RRP12: variants seen among roughly 807,000 people sequenced by gnomAD.
The protein encoded by RRP12 is ribosomal RNA processing 12 homolog.
In RRP12, 78 loss-of-function variants were observed where a neutral mutation model predicts 157.3. The ratio of observed to expected loss-of-function variants is 0.50; its 90% confidence interval spans 0.41 to 0.60. The LOEUF is 0.60. Ranked by LOEUF, RRP12 falls within the 20% of genes least tolerant of loss-of-function variation. RRP12 has a pLI of 0.00. For missense variants in RRP12, 1,521 were observed against 1,679.9 expected, an observed-to-expected ratio of 0.91 and a Z score of 1.65; for synonymous variants, 726 against 670.9, an observed-to-expected ratio of 1.08 and a Z score of -1.27.
rs749301802 is a variant in RRP12 at position 97,381,709 on chromosome 10, C to T, written c.1320+6G>A. On this transcript the variant is annotated splice_donor_region_variant and intron_variant, in intron 11 of 33. Coordinates refer to ENST00000370992, the MANE Select transcript of RRP12 (RefSeq NM_015179.4). The stretch of plus-strand genomic sequence containing the variant: ...CTCTCTGCTTCCTCAGCTAAAGTTG[C>T]AGTACCTTGAGGCTCTGCGTAGCAG... 1.2e-6 allele frequency: 2 copies of T among 1,608,648 alleles called. No homozygotes were observed. The highest frequency in any genetic ancestry group is 1.7e-6 in the Non-Finnish European group (2 of 1,175,096).
Position 97,379,036 on chromosome 10 carries a change from G to A in RRP12, c.1798+257C>T, listed in dbSNP as rs542272279. Reference sequence around the variant, plus strand: ...CAAAGGGGAAGAACAAGGCCCAGTTGGGGCAGCTCCATGTGGAGGCAGCTC... The same window carrying A: ...CAAAGGGGAAGAACAAGGCCCAGTTAGGGCAGCTCCATGTGGAGGCAGCTC... On this transcript the variant is annotated intron_variant, in intron 15 of 33. Coordinates refer to ENST00000370992, the MANE Select transcript of RRP12 (RefSeq NM_015179.4). Among the ~76,000 whole-genome samples, 4 of 152,360 alleles carry A rather than the reference G, an allele frequency of 2.6e-5. No homozygotes were observed. In the South Asian group the frequency reaches 6.2e-4, roughly 24 times the overall value.
At chr10:97,369,276 C>A in intron 25 of RRP12, 149 bp downstream of exon 25, 1 of 776,990 alleles carries the variant, frequency 1.3e-6, no homozygotes, top group African/African-American at 1.7e-5. Context: ...ACCTGACAGG[C>A]ATTCCCCTAT....
At chr10:97,392,685 TTTTC>T (rs902830361) in intron 4 of RRP12, among the ~76,000 whole-genome samples, 10 of 144,418 alleles carry the variant, frequency 6.9e-5, no homozygotes, top group Admixed American at 1.4e-4. Context: ...ACAAATTTCA[TTTTC>T]TTTCTATTTT....
At chr10:97,385,307 C>T (rs769346196) in intron 9 of RRP12, 50 bp from the exon 10 acceptor site, 7 of 1,403,416 alleles carry the variant, frequency 5.0e-6, no homozygotes, top group Non-Finnish European at 7.1e-6. Flanking sequence ...CTGCAATAGC[C>T]CAGTGATGAT....
At chr10:97,385,520 G>A (rs1411054152) in intron 9 of RRP12, among the ~76,000 whole-genome samples, 3 of 144,186 alleles carry the variant, frequency 2.1e-5, no homozygotes, top group Non-Finnish European at 4.6e-5. Context: ...AAAAGCCAGA[G>A]GCCTTCTTTG....
rs981639741 is a variant in RRP12, at chr10:97,394,967, ACT to A, written c.454-1209_454-1208del. 1.6e-4 allele frequency among the ~76,000 whole-genome samples: 24 copies of A among 151,236 alleles called. 1 individual carries two copies. The highest frequency in any genetic ancestry group is 1.3e-3 in the Admixed American group (19 of 15,162). ...AGACAAGCTTGGGCGACATGACGAA[ACT>A]CTGTCTCTACTAAAAATACAAAAAT... On this transcript the variant is annotated intron_variant, in intron 3 of 33. Transcript: ENST00000370992.
chr10:97,362,160 G>C (rs1164528529), intron 30 of RRP12, among the ~76,000 whole-genome samples: 1 of 151,918 alleles, frequency 6.6e-6, no homozygotes, highest in South Asian at 2.1e-4. Flanking sequence ...AAACCCTCTG[G>C]GGGTCTCAGT....
intron 6 of RRP12, 105 bp from the exon 7 acceptor site, chr10:97,388,729 C>A (rs1271038942): frequency 1.9e-5 from 26 of 1,376,228 alleles, no homozygotes; most frequent in South Asian, 8.0e-5. Flanking sequence ...AAATATAGAT[C>A]CAATGATGAT....
chr10:97,389,837 C>T (rs772749294), intron 6 of RRP12, among the ~76,000 whole-genome samples: 3 of 152,014 alleles, frequency 2.0e-5, no homozygotes, highest in Non-Finnish European at 2.9e-5. Context: ...CTCAGCCTCC[C>T]GAGTAGCTGG....
At chr10:97,394,466 T>C (rs553239087) in intron 3 of RRP12, among the ~76,000 whole-genome samples, 1 of 152,340 alleles carries the variant, frequency 6.6e-6, no homozygotes, top group East Asian at 1.9e-4. Context: ...CATAGCTCAC[T>C]GTAACCTTGA....
chr10:97,371,069 C>G lies in RRP12; in HGVS notation c.2356G>C (p.Gly786Arg), dbSNP rs370777248. 5.6e-6 allele frequency: 9 copies of G among 1,613,328 alleles called. No individual in the cohort carries two copies. Among genetic ancestry groups the G allele is most frequent in the Non-Finnish European group, 5.1e-6 (6 of 1,179,880 alleles). The change falls in exon 21 of 34, where the codon GGG (glycine) becomes CGG (arginine). Residue 786 changes from glycine to arginine, a missense_variant. Physicochemically the swap from Gly to Arg is moderately radical, Grantham distance 125 (BLOSUM62 -2). Coordinates refer to ENST00000370992, the MANE Select transcript of RRP12 (RefSeq NM_015179.4). The part of the protein sequence containing the change: ...IRPYLESKAH[G>R]VQKKAYRVLE... ...ACTCGGTAGGCCTTCTTCTGCACCC[C>G]GTGGGCCTTGCTCTGGCAGACAGGA...
chr10:97,393,685 G>T lies in RRP12; in HGVS notation c.529C>A (p.Arg177Ser). 6.2e-7 allele frequency: 1 copy of T among 1,613,534 alleles called. No individual in the cohort carries two copies. Among genetic ancestry groups the T allele is most frequent in the South Asian group, 1.1e-5 (1 of 91,050 alleles). ...GTTCAAACAGGAGGCAGAACTCACC[G>T]CTTCAGGACAAGGTTCAGCAGGTAA... ...VAYLLNLVLKRVPSPVLIKKF... is the reference protein window; with the variant it reads ...VAYLLNLVLKSVPSPVLIKKF... Residue 177 changes from arginine to serine, a missense_variant and splice_region_variant, in exon 4 of 34, where the codon CGT (arginine) becomes AGT (serine). Coordinates refer to ENST00000370992, the MANE Select transcript of RRP12 (RefSeq NM_015179.4).
chr10:97,367,611 C>T (rs1003283456), intron 25 of RRP12, among the ~76,000 whole-genome samples: 2 of 152,226 alleles, frequency 1.3e-5, no homozygotes, highest in Non-Finnish European at 2.9e-5. Context: ...TTCCATCTCA[C>T]TGCATTCTGC....
intron 25 of RRP12, 131 bp downstream of exon 25, chr10:97,369,294 T>G: frequency 1.1e-6 from 1 of 942,530 alleles, no homozygotes. Context: ...TATGGTCCCT[T>G]TTAGGGCTCC....
chr10:97,381,887 G>A, intron 10 of RRP12, 61 bp from the exon 11 acceptor site: 1 of 1,242,912 alleles, frequency 8.0e-7, no homozygotes, highest in Non-Finnish European at 1.2e-6. Context: ...GGGCAACCAG[G>A]GCTCAGGGCT....
intron 3 of RRP12, among the ~76,000 whole-genome samples, chr10:97,395,213 C>CACAG (rs1170681449): frequency 1.1e-4 from 16 of 152,040 alleles, no homozygotes; most frequent in Middle Eastern, 3.4e-3. Flanking sequence ...CATATACACA[C>CACAG]ACACACACAC....
intron 6 of RRP12, among the ~76,000 whole-genome samples, chr10:97,389,279 G>A (rs2133085876): frequency 6.6e-6 from 1 of 152,230 alleles, no homozygotes; most frequent in South Asian, 2.1e-4. Flanking sequence ...ATTTTTAGTA[G>A]AGACGGGGTT....
intron 2 of RRP12, among the ~76,000 whole-genome samples, chr10:97,399,913 G>A (rs10882925): frequency 0.21 from 31,209 of 151,980 alleles, 3,760 homozygotes; most frequent in Middle Eastern, 0.29. Context: ...ACGAGACTCT[G>A]TCTCAAAATA....
chr10:97,400,952 G>T (rs1222133713), intron 1 of RRP12, 141 bp downstream of exon 1: 1 of 1,052,788 alleles, frequency 9.5e-7, no homozygotes. Flanking sequence ...CTGCCCTTCA[G>T]AGAGGGCTCC....
Sources: allele counts gnomAD v4.1 joint callset (sites outside exome capture counted in the v4.1 genomes callset), GRCh38; gene constraint gnomAD v4.1.1; transcripts MANE v1.5; gene names NCBI Gene and HGNC (gene_info 2026-07-23, HGNC 2026-07-21).